MAP3K7: variants seen among roughly 807,000 people sequenced by gnomAD.
MAP3K7 encodes TGF-beta activated kinase 1.
MAP3K7 carries 21 observed loss-of-function variants against 84.8 expected under a neutral mutation model. The observed-to-expected ratio is 0.25, with a 90% confidence interval of 0.18 to 0.36. The LOEUF (loss-of-function observed/expected upper bound fraction) is 0.36, where lower values mean the gene tolerates loss of function less well. Among genes scored for constraint, MAP3K7 ranks in the 10% least tolerant of loss-of-function variants. MAP3K7 has a pLI of 1.00. For synonymous variants in MAP3K7, 241 were observed against 247.7 expected, an observed-to-expected ratio of 0.97 and a Z score of 0.25; for missense variants, 503 against 747.7, an observed-to-expected ratio of 0.67 and a Z score of 3.82.
At chr6:90,579,043 T>C (rs562308289) in intron 1 of MAP3K7, among the ~76,000 whole-genome samples, 3 of 152,142 alleles carry the variant, frequency 2.0e-5, no homozygotes, top group Admixed American at 1.3e-4. Flanking sequence ...TCAAGGATCA[T>C]GTAATTAGTA....
chr6:90,548,198 T>C, intron 9 of MAP3K7, 21 bp from the exon 10 acceptor site: 1 of 1,595,368 alleles, frequency 6.3e-7, no homozygotes, highest in South Asian at 1.1e-5. Context: ...CAGAAACATT[T>C]ATGACTAATG....
rs569836383 is a variant in MAP3K7 at position 90,542,247 on chromosome 6, T to A, written c.1291+2305A>T. On this transcript the variant is annotated intron_variant, in intron 12 of 16. Coordinates refer to ENST00000369329, the MANE Select transcript of MAP3K7 (RefSeq NM_145331.3). ...ATTTTTATATTTAATTTAAAAACATTACCTATGAGCACATTCATGATTGGC... is the reference window on the plus strand; with the variant it reads ...ATTTTTATATTTAATTTAAAAACATAACCTATGAGCACATTCATGATTGGC... 37 of 984,194 alleles carry A rather than the reference T, an allele frequency of 3.8e-5. 1 individual carries two copies. The South Asian group carries it at 1.5e-3, about 40-fold the overall frequency. The allele number at this position is 984,194 out of a possible 1,614,324, so 61.0% of individuals were successfully genotyped here.
At chr6:90,564,700 C>T (rs1405378549) in intron 3 of MAP3K7, among the ~76,000 whole-genome samples, 1 of 152,222 alleles carries the variant, frequency 6.6e-6, no homozygotes, top group Non-Finnish European at 1.5e-5. Flanking sequence ...GAATTGAACT[C>T]AGCTCTGCAC....
chr6:90,554,468 A>G (rs1033050050), intron 6 of MAP3K7, among the ~76,000 whole-genome samples: 11 of 152,206 alleles, frequency 7.2e-5, no homozygotes, highest in Non-Finnish European at 1.6e-4. Flanking sequence ...ATAATCTCCC[A>G]AAAACAAACA....
intron 12 of MAP3K7, chr6:90,542,600 T>C (rs552245100): frequency 1.9e-6 from 1 of 526,152 alleles, no homozygotes; most frequent in Non-Finnish European, 2.4e-6. Flanking sequence ...TGGATGTGAC[T>C]TGGAGTCAGA....
At chr6:90,573,425 T>C (rs1333951059) in intron 1 of MAP3K7, among the ~76,000 whole-genome samples, 2 of 152,156 alleles carry the variant, frequency 1.3e-5, no homozygotes, top group African/African-American at 4.8e-5. Context: ...TTAATAATAA[T>C]AATATTAGGA....
rs776076582 is a variant in MAP3K7, at chr6:90,550,462, A to G, written c.949+6T>C. On this transcript the variant is annotated splice_donor_region_variant and intron_variant, in intron 9 of 16. Coordinates refer to ENST00000369329, the MANE Select transcript of MAP3K7 (RefSeq NM_145331.3). ...AAGTCAATACTCTTCCAATCTATCC[A>G]TTTACCTGTACTGGTGGCAGAGTTG... is the stretch of plus-strand genomic sequence containing the variant. The G allele has an allele frequency of 1.3e-5, 21 of 1,587,436 alleles. No homozygotes were observed. The East Asian group carries it at 2.9e-4, about 22-fold the overall frequency.
intron 6 of MAP3K7, among the ~76,000 whole-genome samples, chr6:90,556,042 G>C (rs931349807): frequency 2.6e-5 from 4 of 152,174 alleles, no homozygotes; most frequent in African/African-American, 9.7e-5. Context: ...GCACAAAAAA[G>C]GACACCTGCT....
intron 13 of MAP3K7, among the ~76,000 whole-genome samples, chr6:90,534,808 T>G (rs1310028080): frequency 1.3e-5 from 2 of 152,134 alleles, no homozygotes. Flanking sequence ...AGTCAAACAG[T>G]TGGCTAGAAG....
At chr6:90,519,013 A>AT (rs1425065556) in intron 15 of MAP3K7, among the ~76,000 whole-genome samples, 1 of 151,940 alleles carries the variant, frequency 6.6e-6, no homozygotes, top group Admixed American at 6.6e-5. Context: ...AATGCTTAGC[A>AT]GTACTAAAGA....
chr6:90,540,086 C>G (rs764654572), intron 12 of MAP3K7, among the ~76,000 whole-genome samples: 14 of 151,830 alleles, frequency 9.2e-5, no homozygotes, highest in South Asian at 2.1e-4. Flanking sequence ...CAATAAATAT[C>G]AATTAAGTTC....
chr6:90,571,763 C>T lies in MAP3K7; in HGVS notation c.165G>A (p.Trp55Ter). 6.2e-7 allele frequency: 1 copy of T among 1,606,358 alleles called. No homozygotes were observed. The highest frequency in any genetic ancestry group is 8.5e-7 in the Non-Finnish European group (1 of 1,176,734). ...GAFGVVCKAK[W>*]RAKDVAIKQI... ...GTTTAATAGCAACATCTTTTGCTCTCCACTTAGCTTTGCAAACAACTCCAA... is the reference window on the plus strand; with the variant it reads ...GTTTAATAGCAACATCTTTTGCTCTTCACTTAGCTTTGCAAACAACTCCAA... The change falls in exon 2 of 17, where the codon TGG becomes TGA. Residue 55 changes from tryptophan (W) to a stop codon, truncating the protein, a stop_gained. Coordinates refer to ENST00000369329, the MANE Select transcript of MAP3K7 (RefSeq NM_145331.3). LOFTEE classifies it high-confidence loss of function.
intron 3 of MAP3K7, among the ~76,000 whole-genome samples, chr6:90,564,414 G>T (rs1441616704): frequency 6.6e-6 from 1 of 152,124 alleles, no homozygotes; most frequent in African/African-American, 2.4e-5. Flanking sequence ...GGCAGGGGTT[G>T]CAATCCTAGT....
At chr6:90,526,854 CAAAG>C (rs1215591124) in intron 13 of MAP3K7, among the ~76,000 whole-genome samples, 3 of 151,734 alleles carry the variant, frequency 2.0e-5, no homozygotes, top group African/African-American at 7.3e-5. Flanking sequence ...TTATCCTAAA[CAAAG>C]AAAGAAGAAA....
At chr6:90,554,858 G>C (rs1329514091) in intron 6 of MAP3K7, among the ~76,000 whole-genome samples, 4 of 152,158 alleles carry the variant, frequency 2.6e-5, no homozygotes, top group African/African-American at 9.7e-5. Context: ...TATAACACCT[G>C]ATTATTCATT....
chr6:90,518,613 T>C (rs374724175), intron 15 of MAP3K7, 51 bp from the exon 16 acceptor site: 3 of 917,784 alleles, frequency 3.3e-6, no homozygotes. Flanking sequence ...TTTCAATATC[T>C]AGCTAAGATG....
chr6:90,518,703 T>C (rs1346320801), intron 15 of MAP3K7, 141 bp from the exon 16 acceptor site: 4 of 608,994 alleles, frequency 6.6e-6, no homozygotes, highest in Middle Eastern at 4.2e-4. Flanking sequence ...AACCATGCCC[T>C]AGAAAATCTC....
chr6:90,521,223 ACAGATCGGAAGATTAT>A (rs1354359435), intron 14 of MAP3K7, among the ~76,000 whole-genome samples: 1 of 151,768 alleles, frequency 6.6e-6, no homozygotes, highest in Non-Finnish European at 1.5e-5. Context: ...ATAATTGGTC[ACAGATCGGAAGATTAT>A]TTAATGAAAG....
rs186274650 is a variant in MAP3K7, at chr6:90,581,888, A to G, written c.120+4876T>C. On this transcript the variant is annotated intron_variant, in intron 1 of 16. Coordinates refer to ENST00000369329, the MANE Select transcript of MAP3K7 (RefSeq NM_145331.3). ...TATAACTTAAACCTACAAAGTACATATAACTGTTTAAGTTCTATCTATATC... is the reference window on the plus strand; with the variant it reads ...TATAACTTAAACCTACAAAGTACATGTAACTGTTTAAGTTCTATCTATATC... 2.0e-4 allele frequency among the ~76,000 whole-genome samples: 31 copies of G among 152,370 alleles called. 1 individual carries two copies. The highest frequency in any genetic ancestry group is 2.0e-3 in the Admixed American group (30 of 15,308).
Sources: allele counts gnomAD v4.1 joint callset (sites outside exome capture counted in the v4.1 genomes callset), GRCh38; gene constraint gnomAD v4.1.1; transcripts MANE v1.5; gene names NCBI Gene and HGNC (gene_info 2026-07-23, HGNC 2026-07-21).